FBXO42: variants seen among roughly 807,000 people sequenced by gnomAD.
FBXO42 encodes F-box protein 42, also known as F-box only protein 42.
FBXO42 carries 12 observed loss-of-function variants against 71.7 expected under a neutral mutation model. The observed-to-expected ratio is 0.17, with a 90% confidence interval of 0.11 to 0.27. The LOEUF (loss-of-function observed/expected upper bound fraction) is 0.27, where lower values mean the gene tolerates loss of function less well. Among genes scored for constraint, FBXO42 ranks in the 10% least tolerant of loss-of-function variants. The pLI is 1.00. For missense variants in FBXO42, 707 were observed against 911.9 expected, an observed-to-expected ratio of 0.78 and a Z score of 2.89; for synonymous variants, 325 against 327.5, an observed-to-expected ratio of 0.99 and a Z score of 0.08.
At chr1:16,341,242 T>C (rs1221707281) in intron 1 of FBXO42, among the ~76,000 whole-genome samples, 1 of 152,108 alleles carries the variant, frequency 6.6e-6, no homozygotes, top group African/African-American at 2.4e-5. Context: ...CAAATAAATA[T>C]TAGAATGGTT....
chr1:16,294,988 T>C (rs2082114064), intron 3 of FBXO42, 71 bp from the exon 4 acceptor site: 1 of 1,480,576 alleles, frequency 6.8e-7, no homozygotes, highest in Non-Finnish European at 9.0e-7. Flanking sequence ...CCATAACATA[T>C]ATTTTTCAAA....
In FBXO42 at chr1:16,252,186, G is replaced by T; in HGVS notation, c.1038+102C>A. ...TTCACCTCTTTTGTGACACCAAGGT[G>T]TTTTCTATTTTTGTACAAATTTCTT... On this transcript the variant is annotated intron_variant, in intron 9 of 9. Transcript: ENST00000375592. The surrounding 1 kb of genome is among the most constrained non-coding windows in gnomAD (Gnocchi z 4.4). 1 of 912,660 alleles carries T rather than the reference G, an allele frequency of 1.1e-6. No homozygotes were observed. The highest frequency in any genetic ancestry group is 1.8e-6 in the Non-Finnish European group (1 of 570,612). The allele number at this position is 912,660 out of a possible 1,614,324, so 56.5% of individuals were successfully genotyped here. A position where few individuals can be genotyped will look rare whatever the true frequency, so the allele number is the denominator to read the frequency against.
chr1:16,345,899 C>T (rs887614042), intron 1 of FBXO42, among the ~76,000 whole-genome samples: 2 of 149,348 alleles, frequency 1.3e-5, no homozygotes, highest in African/African-American at 4.9e-5. Context: ...CGACTAATTT[C>T]ACTTCAATGA....
chr1:16,253,682 G>C lies in FBXO42; in HGVS notation c.817C>G (p.Pro273Ala). The change falls in exon 7 of 10, where the codon CCG (proline) becomes GCG (alanine). Residue 273 changes from proline to alanine, a missense_variant. By Grantham distance (27) the Pro-to-Ala change is conservative. Transcript: ENST00000375592. The part of the protein sequence containing the change: ...LDLEQWAWSK[P>A]NISGPSPHPR... Reference sequence around the variant, plus strand: ...TGAGGACTGGGGCCAGAGATGTTCGGCTTGGACCACGCCCACTGCTCAAGG... The same window carrying C: ...TGAGGACTGGGGCCAGAGATGTTCGCCTTGGACCACGCCCACTGCTCAAGG... 1 of 1,614,196 alleles carries C rather than the reference G, an allele frequency of 6.2e-7. No homozygotes were observed. The highest frequency in any genetic ancestry group is 8.5e-7 in the Non-Finnish European group (1 of 1,180,036).
intron 4 of FBXO42, among the ~76,000 whole-genome samples, chr1:16,284,758 G>A (rs778875251): frequency 6.6e-5 from 10 of 152,044 alleles, no homozygotes; most frequent in Non-Finnish European, 1.3e-4. Context: ...ATCTGAGGTC[G>A]GGAGTTTGAG....
intron 1 of FBXO42, among the ~76,000 whole-genome samples, chr1:16,349,204 C>A (rs2082678339): frequency 6.6e-6 from 1 of 152,128 alleles, no homozygotes; most frequent in Non-Finnish European, 1.5e-5. Flanking sequence ...GCAGACTCTG[C>A]AGAATAATAG....
intron 3 of FBXO42, among the ~76,000 whole-genome samples, chr1:16,303,769 G>A (rs908444576): frequency 1.3e-5 from 2 of 151,644 alleles, no homozygotes; most frequent in South Asian, 2.1e-4. Context: ...TTTTTGAGAC[G>A]GAGTCTCACT....
At chr1:16,258,657 G>A (rs1206016017) in intron 4 of FBXO42, among the ~76,000 whole-genome samples, 7 of 152,054 alleles carry the variant, frequency 4.6e-5, no homozygotes, top group East Asian at 1.9e-4. Context: ...GTGCCTGTCC[G>A]TGTCAACTAT....
intron 4 of FBXO42, among the ~76,000 whole-genome samples, chr1:16,282,810 G>A (rs985618234): frequency 2.0e-5 from 3 of 151,936 alleles, no homozygotes; most frequent in South Asian, 2.1e-4. Context: ...GTGAAACCCC[G>A]TCTCTACTAA....
At chr1:16,333,445 C>A (rs372587405) in intron 1 of FBXO42, among the ~76,000 whole-genome samples, 5 of 138,918 alleles carry the variant, frequency 3.6e-5, no homozygotes, top group Admixed American at 7.1e-5. Flanking sequence ...GACCCCCCCC[C>A]CCCATTTCCA....
Position 16,251,360 on chromosome 1 carries a change from T to A in FBXO42, c.1464A>T (p.Ser488=), listed in dbSNP as rs1332950142. ...ATCTCAGATCTTTCTGATCTGGTAGTGATCCTCGTCGGGGGGCCAAAGAAA... is the reference window on the plus strand; with the variant it reads ...ATCTCAGATCTTTCTGATCTGGTAGAGATCCTCGTCGGGGGGCCAAAGAAA... The part of the protein sequence containing the change: ...IGLSLAPRRG[S]LPDQKDLRLG... The change falls in exon 10 of 10, where the codon TCA becomes TCT. Residue 488 remains serine (S), a synonymous_variant. Coordinates refer to ENST00000375592, the MANE Select transcript of FBXO42 (RefSeq NM_018994.3). This position sits in a 1 kb window ranked among gnomAD's most constrained non-coding sequence, Gnocchi z 4.5. 20 of 1,614,106 alleles carry A rather than the reference T, an allele frequency of 1.2e-5. No individual in the cohort carries two copies. The highest frequency in any genetic ancestry group is 1.5e-5 in the Non-Finnish European group (18 of 1,179,936).
chr1:16,282,030 G>A (rs961509831), intron 4 of FBXO42, among the ~76,000 whole-genome samples: 2 of 151,894 alleles, frequency 1.3e-5, no homozygotes, highest in African/African-American at 2.4e-5. Flanking sequence ...AGCAGCCACT[G>A]AGAGCACAGA....
intron 1 of FBXO42, among the ~76,000 whole-genome samples, chr1:16,318,536 C>T (rs999457170): frequency 1.3e-5 from 2 of 152,096 alleles, no homozygotes; most frequent in African/African-American, 4.8e-5. Flanking sequence ...AAATTTTCTA[C>T]AAAGAAAGCA....
At chr1:16,281,707 G>T (rs2081965988) in intron 4 of FBXO42, among the ~76,000 whole-genome samples, 1 of 149,866 alleles carries the variant, frequency 6.7e-6, no homozygotes, top group Non-Finnish European at 1.5e-5. Flanking sequence ...TGCCCAGGCT[G>T]GAGTGCAGTG....
At chr1:16,316,294 G>C (rs2082365654) in intron 1 of FBXO42, among the ~76,000 whole-genome samples, 1 of 151,788 alleles carries the variant, frequency 6.6e-6, no homozygotes, top group African/African-American at 2.4e-5. Context: ...GCCTGCAACT[G>C]TGGTGTTTAC....
chr1:16,314,449 A>G (rs1240346461), intron 2 of FBXO42, among the ~76,000 whole-genome samples: 4 of 152,192 alleles, frequency 2.6e-5, no homozygotes, highest in African/African-American at 9.6e-5. Context: ...ATCCGTGTAA[A>G]TAAGTTAACT....
At position 16,352,316 on chromosome 1, in the gene FBXO42, G is replaced by A. The variant is rs2082709909; in HGVS notation, c.-79C>T. ...GCTGGCGACGGTAATGAGGGAGCCA[G>A]GGACAGGGCCAGAGCAGAGGCGCTC... On this transcript the variant is annotated 5_prime_UTR_variant, in exon 1 of 10. Transcript: ENST00000375592. 1 of 397,656 alleles carries A rather than the reference G, an allele frequency of 2.5e-6. No individual in the cohort carries two copies. The highest frequency in any genetic ancestry group is 2.1e-5 in the African/African-American group (1 of 48,600). The allele number at this position is 397,656 out of a possible 1,614,324, so 24.6% of individuals were successfully genotyped here. A position where few individuals can be genotyped will look rare whatever the true frequency, so the allele number is the denominator to read the frequency against.
At chr1:16,261,643 T>A (rs149734441) in intron 4 of FBXO42, among the ~76,000 whole-genome samples, 2 of 152,150 alleles carry the variant, frequency 1.3e-5, no homozygotes, top group Admixed American at 1.3e-4. Context: ...GTGGCAGAGA[T>A]CAACATACAG....
chr1:16,340,998 T>C (rs1293312620), intron 1 of FBXO42, among the ~76,000 whole-genome samples: 2 of 152,064 alleles, frequency 1.3e-5, no homozygotes, highest in Non-Finnish European at 2.9e-5. Context: ...CTAATGTCCA[T>C]CAAAAACAGA....
Sources: gnomAD v4.1 joint callset for allele counts (sites outside exome capture counted in the v4.1 genomes callset) on GRCh38, gnomAD v4.1.1 for gene constraint, Gnocchi (gnomAD v3.1) non-coding constraint, MANE v1.5 for transcripts, NCBI Gene and HGNC (gene_info 2026-07-23, HGNC 2026-07-21) for gene names.